TBC1D5: variants seen among roughly 807,000 people sequenced by gnomAD.
The protein encoded by TBC1D5 is TBC1 domain family, member 5.
A neutral mutation model predicts 100.3 loss-of-function variants in TBC1D5; 75 were observed. The ratio of observed to expected loss-of-function variants is 0.75; its 90% CI spans 0.62 to 0.91. The LOEUF is 0.91. TBC1D5 is among the 40% of genes least tolerant of loss of function. TBC1D5 has a pLI of 0.00. For missense variants in TBC1D5, 910 were observed against 942.4 expected (o/e 0.97, Z 0.45); for synonymous variants, 323 against 325.6 (o/e 0.99, Z 0.09).
Position 17,341,241 on chromosome 3 carries a change from G to A in TBC1D5, c.995+30834C>T, listed in dbSNP as rs1369666768. ...AGATGGAGTCTCGCTCTGTCGCCCAGGCTGGAGTGCAGTGGCATGATCTCC... is the reference window on the plus strand; with the variant it reads ...AGATGGAGTCTCGCTCTGTCGCCCAAGCTGGAGTGCAGTGGCATGATCTCC... On this transcript the variant is annotated intron_variant, in intron 13 of 21. Transcript: ENST00000253692. 2.6e-5 allele frequency among the ~76,000 whole-genome samples: 4 copies of A among 152,026 alleles called. No homozygotes were observed. In the East Asian group the frequency reaches 5.8e-4, roughly 22 times the overall value.
Position 17,379,125 on chromosome 3 carries a change from A to G in TBC1D5, c.613-2512T>C, listed in dbSNP as rs184870913. Among the ~76,000 whole-genome samples, 749 of 148,470 alleles carry G rather than the reference A, an allele frequency of 5.0e-3. 4 individuals are homozygous for G. The highest frequency in any genetic ancestry group is 8.6e-3 in the Non-Finnish European group (572 of 66,716). On this transcript the variant is annotated intron_variant, in intron 9 of 21. Transcript: ENST00000253692. ...TTTTCAAATTTATCTTGATGATTCT[A>G]TTTTTTTATTCCAGGCTATGTCATT...
chr3:17,484,694 A>C (rs183682883), intron 3 of TBC1D5, among the ~76,000 whole-genome samples: 61 of 152,054 alleles, frequency 4.0e-4, no homozygotes, highest in Admixed American at 7.9e-4. Flanking sequence ...TGTATTGCCC[A>C]GGGTGGTCTT....
rs571089711 is a variant in TBC1D5 at position 17,610,477 on chromosome 3, G to A, written c.-36+13372C>T. Among the ~76,000 whole-genome samples the A allele has an allele frequency of 2.6e-5, 4 of 152,206 alleles. No individual in the cohort carries two copies. The East Asian group carries it at 7.7e-4, about 29-fold the overall frequency. On this transcript the variant is annotated intron_variant, in intron 2 of 21. Transcript: ENST00000253692. ...GCTGGGATTACGGGCATGAGCCACT[G>A]CGCCCAGCCTCTTCCCACTTTTTCA...
At chr3:17,494,726 C>G (rs1219873596) in intron 3 of TBC1D5, among the ~76,000 whole-genome samples, 3 of 152,202 alleles carry the variant, frequency 2.0e-5, no homozygotes, top group Non-Finnish European at 4.4e-5. Flanking sequence ...CGAACCCAGT[C>G]TCCCTGGCAC....
chr3:17,232,839 C>T (rs1228157698), intron 17 of TBC1D5, among the ~76,000 whole-genome samples: 1 of 152,068 alleles, frequency 6.6e-6, no homozygotes, highest in Non-Finnish European at 1.5e-5. Context: ...ACTAGCATCA[C>T]TATATTATGT....
intron 10 of TBC1D5, 148 bp from the exon 11 acceptor site, chr3:17,374,827 CA>C (rs1490965035): frequency 1.4e-6 from 1 of 734,114 alleles, no homozygotes; most frequent in Non-Finnish European, 2.2e-6. Context: ...ATGCCATTAA[CA>C]AATGATATGC....
At chr3:17,461,426 T>A (rs7644389) in intron 3 of TBC1D5, among the ~76,000 whole-genome samples, 1 of 152,006 alleles carries the variant, frequency 6.6e-6, no homozygotes, top group Non-Finnish European at 1.5e-5. Context: ...AGTTACTGAA[T>A]GTTCTGCAAT....
intron 2 of TBC1D5, among the ~76,000 whole-genome samples, chr3:17,551,902 T>G (rs540456457): frequency 5.3e-5 from 8 of 152,246 alleles, no homozygotes; most frequent in East Asian, 3.9e-4. Flanking sequence ...AAACTTATAA[T>G]AAGAAGAAAT....
At chr3:17,349,999 G>T (rs931302704) in intron 13 of TBC1D5, among the ~76,000 whole-genome samples, 2 of 152,018 alleles carry the variant, frequency 1.3e-5, no homozygotes, top group Non-Finnish European at 2.9e-5. Context: ...TTTTATTGTT[G>T]CCCGGGTGTT....
chr3:17,493,729 T>G (rs1406550082), intron 3 of TBC1D5, among the ~76,000 whole-genome samples: 1 of 152,228 alleles, frequency 6.6e-6, no homozygotes, highest in African/African-American at 2.4e-5. Flanking sequence ...CTACTGATAT[T>G]TGTGTATGCT....
chr3:17,594,563 CTTCT>C (rs1033042196), intron 2 of TBC1D5, among the ~76,000 whole-genome samples: 9 of 152,212 alleles, frequency 5.9e-5, no homozygotes, highest in African/African-American at 1.9e-4. Flanking sequence ...ATATTTCCTC[CTTCT>C]GTTAGAAACA....
intron 17 of TBC1D5, among the ~76,000 whole-genome samples, chr3:17,236,473 T>A (rs960913116): frequency 1.3e-5 from 2 of 151,988 alleles, no homozygotes; most frequent in Non-Finnish European, 2.9e-5. Flanking sequence ...AAGAAAATAA[T>A]GTAATTTTCA....
chr3:17,456,212 G>A (rs1034664845), intron 3 of TBC1D5, among the ~76,000 whole-genome samples: 3 of 152,098 alleles, frequency 2.0e-5, no homozygotes, highest in African/African-American at 7.2e-5. Flanking sequence ...AAAAAAATCT[G>A]GGAAACTCTC....
At chr3:17,179,156 C>G in intron 19 of TBC1D5, among the ~76,000 whole-genome samples, 1 of 152,228 alleles carries the variant, frequency 6.6e-6, no homozygotes, top group East Asian at 1.9e-4. Flanking sequence ...TGAATTGTAT[C>G]TTTTCCTCCT....
intron 15 of TBC1D5, among the ~76,000 whole-genome samples, chr3:17,276,480 AAG>A (rs1309057952): frequency 3.3e-5 from 5 of 152,178 alleles, no homozygotes; most frequent in African/African-American, 1.2e-4. Flanking sequence ...CAGACTGAGA[AAG>A]AGACAAGAGA....
intron 3 of TBC1D5, among the ~76,000 whole-genome samples, chr3:17,479,532 A>T (rs561053677): frequency 6.3e-4 from 96 of 152,344 alleles, no homozygotes; most frequent in Admixed American, 2.2e-3. Context: ...AAATGGAATA[A>T]ACATGTTTGA....
chr3:17,224,969 T>C (rs1455363401), intron 17 of TBC1D5, among the ~76,000 whole-genome samples: 2 of 152,120 alleles, frequency 1.3e-5, no homozygotes, highest in African/African-American at 2.4e-5. Context: ...TCTCCTCAAT[T>C]ATAAAAATTA....
At chr3:17,505,321 C>T (rs953320080) in intron 3 of TBC1D5, among the ~76,000 whole-genome samples, 7 of 152,020 alleles carry the variant, frequency 4.6e-5, no homozygotes, top group Admixed American at 2.6e-4. Flanking sequence ...TGGGGCATCC[C>T]ACCATCTCTC....
At chr3:17,550,540 A>G (rs1261763015) in intron 2 of TBC1D5, among the ~76,000 whole-genome samples, 1 of 151,404 alleles carries the variant, frequency 6.6e-6, no homozygotes, top group African/African-American at 2.4e-5. Context: ...TAAAAACAAC[A>G]ACAACAACAA....
Sources: gnomAD v4.1 joint callset for allele counts (sites outside exome capture counted in the v4.1 genomes callset) on GRCh38, gnomAD v4.1.1 for gene constraint, MANE v1.5 for transcripts, NCBI Gene and HGNC (gene_info 2026-07-23, HGNC 2026-07-21) for gene names.